The following TMEM132B variants were observed in gnomAD, a reference collection of about 807,000 sequenced individuals.
TMEM132B encodes the protein transmembrane protein 132B.
A neutral mutation model predicts 90.8 loss-of-function variants in TMEM132B; 18 were observed. The observed-to-expected ratio is 0.20, with a 90% CI of 0.14 to 0.29. The LOEUF is 0.29. TMEM132B is among the 10% of genes least tolerant of loss of function. The pLI, the probability that TMEM132B is intolerant of heterozygous loss-of-function variation, is 1.00. For synonymous variants in TMEM132B, 504 were observed against 523.3 expected (o/e 0.96, Z 0.50); for missense variants, 1,096 against 1,326.8 (o/e 0.83, Z 2.70).
rs546589513 is a variant in TMEM132B, at chr12:125,186,431, A to AGGCGGCGGCGGCGGC, written c.-361_-347dup. On this transcript the variant is annotated 5_prime_UTR_variant, in exon 1 of 9. Coordinates refer to ENST00000682704, the MANE Select transcript of TMEM132B (RefSeq NM_001366854.1). This position sits in a 1 kb window ranked among gnomAD's most constrained non-coding sequence, Gnocchi z 6.3. ...GGCGGCCGGCAGATGGCGATGGCAGAGGCGGCGGCGGCGGCGGCGGCGCGA... is the reference window on the plus strand; with the variant it reads ...GGCGGCCGGCAGATGGCGATGGCAGAGGCGGCGGCGGCGGCGGCGGCGGCGGCGGCGGCGGCGCGA... 6.9e-6 allele frequency among the ~76,000 whole-genome samples: 1 copy of AGGCGGCGGCGGCGGC among 144,422 alleles called. No homozygotes were observed. Among genetic ancestry groups the AGGCGGCGGCGGCGGC allele is most frequent in the African/African-American group, 2.5e-5 (1 of 40,146 alleles). The allele number at this position is 144,422 out of a possible 152,430, so 94.7% of individuals were successfully genotyped here.
chr12:125,269,303 C>T (rs527262104), intron 1 of TMEM132B, among the ~76,000 whole-genome samples: 12 of 152,292 alleles, frequency 7.9e-5, no homozygotes, highest in Non-Finnish European at 1.0e-4. Context: ...CTTCCTCCTG[C>T]GGCACCAGGA....
intron 3 of TMEM132B, among the ~76,000 whole-genome samples, chr12:125,475,736 C>G (rs916272421): frequency 6.6e-6 from 1 of 152,144 alleles, no homozygotes; most frequent in Non-Finnish European, 1.5e-5. Flanking sequence ...GTTAATACTC[C>G]TTAATAAACT....
intron 3 of TMEM132B, among the ~76,000 whole-genome samples, chr12:125,432,524 T>TAG (rs1880562016): frequency 1.6e-5 from 1 of 61,234 alleles, no homozygotes; most frequent in African/African-American, 7.8e-5. Flanking sequence ...TATATATATA[T>TAG]ATATAGAGAG....
intron 4 of TMEM132B, among the ~76,000 whole-genome samples, chr12:125,566,022 C>T (rs1884650214): frequency 6.6e-6 from 1 of 152,186 alleles, no homozygotes; most frequent in African/African-American, 2.4e-5. Flanking sequence ...AGCAGGAGTG[C>T]TGTGAGGAAG....
intron 4 of TMEM132B, among the ~76,000 whole-genome samples, chr12:125,568,568 C>T (rs1884717195): frequency 1.3e-5 from 2 of 152,254 alleles, no homozygotes; most frequent in African/African-American, 2.4e-5. Flanking sequence ...CTCACTCTGC[C>T]GCCTTATATT....
Position 125,349,607 on chromosome 12 carries a change from G to C in TMEM132B, c.223G>C (p.Val75Leu), listed in dbSNP as rs375084208. Residue 75 changes from valine to leucine, a missense_variant, in exon 2 of 9, where the codon GTG becomes CTG. By Grantham distance (32) the Val-to-Leu change is conservative. Transcript: ENST00000682704. The surrounding 1 kb of genome is among the most constrained non-coding windows in gnomAD (Gnocchi z 4.1). ...AAGGAACTCCAGTCTGCAGGCCCGG[G>C]TGGAGCCATTCTTCATCTACCGAGC... Reference protein sequence around the residue: ...LTRNSSLQARVEPFFIYRART... With the variant: ...LTRNSSLQARLEPFFIYRART... The C allele has an allele frequency of 2.4e-5, 38 of 1,614,112 alleles. No homozygotes were observed. Among genetic ancestry groups the C allele is most frequent in the Non-Finnish European group, 3.1e-5 (37 of 1,180,040 alleles).
intron 2 of TMEM132B, among the ~76,000 whole-genome samples, chr12:125,399,471 GT>G (rs1771230617): frequency 9.0e-6 from 1 of 111,334 alleles, no homozygotes; most frequent in Admixed American, 8.6e-5. Flanking sequence ...GTGTGTGTGT[GT>G]GTGTGTGTGT....
At chr12:125,540,101 T>C (rs1462723395) in intron 4 of TMEM132B, among the ~76,000 whole-genome samples, 1 of 152,246 alleles carries the variant, frequency 6.6e-6, no homozygotes, top group Non-Finnish European at 1.5e-5. Context: ...GTTACAGATT[T>C]TCCAATGTTT....
chr12:125,549,457 G>T (rs1193038302), intron 4 of TMEM132B, among the ~76,000 whole-genome samples: 1 of 152,108 alleles, frequency 6.6e-6, no homozygotes, highest in Non-Finnish European at 1.5e-5. Context: ...GAAGAAAGAA[G>T]GTAGAAAACA....
chr12:125,366,056 C>G (rs1364871441), intron 2 of TMEM132B, among the ~76,000 whole-genome samples: 1 of 152,072 alleles, frequency 6.6e-6, no homozygotes, highest in African/African-American at 2.4e-5. Flanking sequence ...TCATTCTACT[C>G]TCTACCTCCA....
Position 125,519,880 on chromosome 12 carries a change from T to C in TMEM132B, c.1293+255T>C, listed in dbSNP as rs375275173. On this transcript the variant is annotated intron_variant, in intron 4 of 8. Transcript: ENST00000682704. ...GAGCCCTTATTCTTTATTTTCTCAA[T>C]CTGCGTGCATATCAGGACTGAGTGC... Among the ~76,000 whole-genome samples the C allele has an allele frequency of 7.9e-5, 12 of 152,334 alleles. No individual in the cohort carries two copies. In the East Asian group the frequency reaches 1.2e-3, roughly 15 times the overall value.
chr12:125,223,562 C>G (rs1364523359), intron 1 of TMEM132B, among the ~76,000 whole-genome samples: 1 of 152,154 alleles, frequency 6.6e-6, no homozygotes, highest in Non-Finnish European at 1.5e-5. Flanking sequence ...AATTCATTGG[C>G]ATTTAGAATA....
intron 4 of TMEM132B, among the ~76,000 whole-genome samples, chr12:125,521,444 C>T (rs1234408263): frequency 6.6e-6 from 1 of 152,180 alleles, no homozygotes; most frequent in African/African-American, 2.4e-5. Context: ...AAAATGGGCT[C>T]ACTATTTTCA....
At chr12:125,514,603 A>G (rs1883060666) in intron 3 of TMEM132B, among the ~76,000 whole-genome samples, 2 of 152,196 alleles carry the variant, frequency 1.3e-5, no homozygotes, top group Admixed American at 6.5e-5. Context: ...AAGTGTTACC[A>G]TCTCTGCCTG....
At chr12:125,597,746 C>G (rs1485348098) in intron 5 of TMEM132B, among the ~76,000 whole-genome samples, 1 of 152,186 alleles carries the variant, frequency 6.6e-6, no homozygotes, top group Non-Finnish European at 1.5e-5. Context: ...TCATTCCCCT[C>G]CAGTGTCCTT....
intron 5 of TMEM132B, among the ~76,000 whole-genome samples, chr12:125,635,512 G>A (rs529416359): frequency 3.9e-4 from 59 of 152,268 alleles, no homozygotes; most frequent in African/African-American, 1.4e-3. Context: ...TGGTGTATAT[G>A]TGCCACATTT....
intron 2 of TMEM132B, among the ~76,000 whole-genome samples, chr12:125,411,587 G>C (rs1879841406): frequency 6.6e-6 from 1 of 152,136 alleles, no homozygotes. Context: ...TACGTGTGAG[G>C]GGTTCCCTGC....
chr12:125,394,476 T>C (rs1312868363), intron 2 of TMEM132B, among the ~76,000 whole-genome samples: 9 of 152,188 alleles, frequency 5.9e-5, no homozygotes, highest in Admixed American at 5.2e-4. Flanking sequence ...TCGGGACTTA[T>C]TGATTGACTT....
rs1431489583 is a variant in TMEM132B at position 125,661,570 on chromosome 12, T to G, written c.*6860T>G. The stretch of plus-strand genomic sequence containing the variant: ...TGATTGCCAAGTGACTTCCTTTCTG[T>G]AGTTATCCTCTGCTGTGACCCTTAT... On this transcript the variant is annotated 3_prime_UTR_variant, in exon 9 of 9. Transcript: ENST00000682704. The G allele has an allele frequency of 2.6e-5, 4 of 152,244 alleles. No individual in the cohort carries two copies. The highest frequency in any genetic ancestry group is 1.5e-5 in the Non-Finnish European group (1 of 68,064). 9.4% of individuals were successfully genotyped at this position (152,244 alleles called of 1,614,324 possible). A position where few individuals can be genotyped will look rare whatever the true frequency, so the allele number is the denominator to read the frequency against.
Sources: gnomAD v4.1 joint callset for allele counts (sites outside exome capture counted in the v4.1 genomes callset) on GRCh38, gnomAD v4.1.1 for gene constraint, Gnocchi (gnomAD v3.1) non-coding constraint, MANE v1.5 for transcripts, NCBI Gene and HGNC (gene_info 2026-07-23, HGNC 2026-07-21) for gene names.